The following MYH10 variants were observed in gnomAD, a reference collection of about 807,000 sequenced individuals.
MYH10 encodes myosin-10.
In MYH10, 55 loss-of-function variants were observed where a neutral mutation model predicts 257.8. The observed-to-expected ratio is 0.21, with a 90% CI of 0.17 to 0.27. The LOEUF is 0.27. Among genes scored for constraint, MYH10 ranks in the 10% least tolerant of loss-of-function variants. MYH10 has a pLI of 1.00. For synonymous variants in MYH10, 854 were observed against 921.7 expected, an observed-to-expected ratio of 0.93 and a Z score of 1.33; for missense variants, 1,631 against 2,500.6, an observed-to-expected ratio of 0.65 and a Z score of 7.42.
At chr17:8,558,652 C>T (rs2082887565) in intron 7 of MYH10, among the ~76,000 whole-genome samples, 1 of 152,190 alleles carries the variant, frequency 6.6e-6, no homozygotes, top group Admixed American at 6.5e-5. Flanking sequence ...ACTGTAGGCA[C>T]CCTTCTCTCT....
intron 17 of MYH10, among the ~76,000 whole-genome samples, chr17:8,528,859 A>G (rs980460283): frequency 1.2e-4 from 18 of 152,220 alleles, no homozygotes; most frequent in African/African-American, 3.9e-4. Context: ...ACACAATCTC[A>G]AAGAACATAT....
chr17:8,513,817 C>T lies in MYH10; in HGVS notation c.2582G>A (p.Arg861Gln). ...QRNCAAYLKLRHWQWWRVFTK... is the reference protein window; with the variant it reads ...QRNCAAYLKLQHWQWWRVFTK... ...GAAGACTCGCCACCACTGCCAGTGCCGTAATTTCAGGTACGCGGCACAGTT... is the reference window on the plus strand; with the variant it reads ...GAAGACTCGCCACCACTGCCAGTGCTGTAATTTCAGGTACGCGGCACAGTT... Residue 861 changes from arginine to glutamine, a missense_variant, in exon 22 of 43, where the codon CGG (arginine) becomes CAG (glutamine). Arg to Gln is a conservative substitution (Grantham distance 43, BLOSUM62 1). This residue lies in a region of MYH10 where 116 missense variants were observed against 221.6 expected (regional missense o/e 0.52). Coordinates refer to ENST00000360416, the MANE Select transcript of MYH10 (RefSeq NM_001256012.3). 1 of 1,614,150 alleles carries T rather than the reference C, an allele frequency of 6.2e-7. No individual in the cohort carries two copies. Among genetic ancestry groups the T allele is most frequent in the Non-Finnish European group, 8.5e-7 (1 of 1,180,026 alleles).
At chr17:8,610,307 G>T (rs1027599171) in intron 2 of MYH10, among the ~76,000 whole-genome samples, 2 of 112,946 alleles carry the variant, frequency 1.8e-5, no homozygotes, top group South Asian at 3.0e-4. Context: ...TGGGGGAAGC[G>T]GCCGGGCATG....
Position 8,576,670 on chromosome 17 carries a change from C to T in MYH10, c.636G>A (p.Gln212=), listed in dbSNP as rs953224962. ...GGTGTTTCACTGGTTTAGGCGATTC[C>T]TGCTGTTCATTACAAACAGACAAAT... ...HKGRKDHNIP[Q]ESPKPVKHQG... Residue 212 remains glutamine, a splice_region_variant and synonymous_variant, in exon 6 of 43, where the codon CAG becomes CAA. Transcript: ENST00000360416. 4 of 1,550,702 alleles carry T rather than the reference C, an allele frequency of 2.6e-6. No individual in the cohort carries two copies. The African/African-American group carries it at 4.1e-5, about 16-fold the overall frequency.
chr17:8,610,107 C>T (rs1056856367), intron 2 of MYH10, among the ~76,000 whole-genome samples: 41 of 151,564 alleles, frequency 2.7e-4, no homozygotes, highest in Non-Finnish European at 1.5e-4. Flanking sequence ...CATGCACAAA[C>T]CAGGCTGGCA....
chr17:8,476,478 C>G lies in MYH10; in HGVS notation c.5879+398G>C, dbSNP rs115260984. Among the ~76,000 whole-genome samples, 514 of 152,324 alleles carry G rather than the reference C, an allele frequency of 3.4e-3. 3 individuals are homozygous for G. The highest frequency in any genetic ancestry group is 0.012 in the African/African-American group (492 of 41,570). ...GTAGCTCTCTCACGCTCTGCCCTCT[C>G]ACTGGTACAGAGCAGATCCATTGTG... On this transcript the variant is annotated intron_variant, in intron 42 of 42. Coordinates refer to ENST00000360416, the MANE Select transcript of MYH10 (RefSeq NM_001256012.3).
chr17:8,487,374 G>A (rs879134635), intron 36 of MYH10, 59 bp downstream of exon 36: 81 of 1,601,932 alleles, frequency 5.1e-5, no homozygotes, highest in South Asian at 4.2e-4. Context: ...TGGACTCTGT[G>A]TAAAAGCCAC....
rs575524243 is a variant in MYH10, at chr17:8,504,714, C to T, written c.3579G>A (p.Thr1193=). Residue 1193 remains threonine (T), a synonymous_variant, in exon 28 of 43, where the codon ACG becomes ACA. Coordinates refer to ENST00000360416, the MANE Select transcript of MYH10 (RefSeq NM_001256012.3). The surrounding 1 kb of genome is among the most constrained non-coding windows in gnomAD (Gnocchi z 5.6). ...KTELEDTLDT[T]AAQQELRTKR... is the part of the protein sequence containing the mutation. ...CTCACCGTAGTTCCTGCTGGGCTGC[C>T]GTGGTGTCCAGCGTGTCCTCCAGCT... is the stretch of plus-strand genomic sequence containing the variant. 2.6e-5 allele frequency: 42 copies of T among 1,614,098 alleles called. No individual in the cohort carries two copies. In the East Asian group the frequency reaches 2.7e-4, roughly 10 times the overall value.
Position 8,622,977 on chromosome 17 carries a change from C to G in MYH10, c.270G>C (p.Met90Ile). 6.2e-7 allele frequency: 1 copy of G among 1,614,154 alleles called. No homozygotes were observed. Among genetic ancestry groups the G allele is most frequent in the Non-Finnish European group, 8.5e-7 (1 of 1,180,020 alleles). The change falls in exon 2 of 43, where the codon ATG becomes ATC. Residue 90 changes from methionine (M) to isoleucine (I), a missense_variant. Met to Ile is a conservative substitution (Grantham distance 10). Transcript: ENST00000360416. ...NPPKFSKVED[M>I]AELTCLNEAS... is the part of the protein sequence containing the mutation. ...CTTCATTCAAGCATGTCAATTCTGC[C>G]ATATCCTCCACCTTGGAAAACTTAG...
chr17:8,508,407 G>T, intron 26 of MYH10, 147 bp downstream of exon 26: 1 of 1,126,720 alleles, frequency 8.9e-7, no homozygotes, highest in Non-Finnish European at 1.3e-6. Context: ...CCAGCCAAGG[G>T]ACCTATTTTA....
rs1444479432 is a variant in MYH10, at chr17:8,553,942, T to C, written c.820+13A>G. 7 of 1,606,078 alleles carry C rather than the reference T, an allele frequency of 4.4e-6. No individual in the cohort carries two copies. Among genetic ancestry groups the C allele is most frequent in the East Asian group, 4.5e-5 (2 of 44,758 alleles). The stretch of plus-strand genomic sequence containing the variant: ...TTCTTTATTTTGGATTATACATTTA[T>C]GAAAAAGGATACATGTTTCAATGTT... On this transcript the variant is annotated intron_variant, in intron 8 of 42. Coordinates refer to ENST00000360416, the MANE Select transcript of MYH10 (RefSeq NM_001256012.3).
chr17:8,515,002 C>T (rs2081418832), intron 21 of MYH10, among the ~76,000 whole-genome samples: 1 of 152,196 alleles, frequency 6.6e-6, no homozygotes, highest in South Asian at 2.1e-4. Flanking sequence ...TCCACTCCGA[C>T]AGTCCACTCA....
At chr17:8,607,185 TCA>T (rs2084844402) in intron 2 of MYH10, among the ~76,000 whole-genome samples, 1 of 152,176 alleles carries the variant, frequency 6.6e-6, no homozygotes, top group Admixed American at 6.5e-5. Context: ...AAAAATGAGA[TCA>T]CAGTCTATAA....
At chr17:8,550,325 C>T (rs1047711706) in intron 9 of MYH10, among the ~76,000 whole-genome samples, 2 of 151,802 alleles carry the variant, frequency 1.3e-5, no homozygotes, top group African/African-American at 4.8e-5. Context: ...ATGTGGGGAG[C>T]GCCTCTGCCC....
Position 8,535,245 on chromosome 17 carries a change from T to C in MYH10, c.1894+142A>G. 1 of 575,194 alleles carries C rather than the reference T, an allele frequency of 1.7e-6. No homozygotes were observed. The highest frequency in any genetic ancestry group is 3.0e-6 in the Non-Finnish European group (1 of 338,484). The allele number at this position is 575,194 out of a possible 1,614,324, so 35.6% of individuals were successfully genotyped here. Reference sequence around the variant, plus strand: ...TTGTTAAAACGGATAAATTCCGATATAACGGCAGCCCTGCTCTAGGGAAAG... The same window carrying C: ...TTGTTAAAACGGATAAATTCCGATACAACGGCAGCCCTGCTCTAGGGAAAG... On this transcript the variant is annotated intron_variant, in intron 16 of 42. Transcript: ENST00000360416. The surrounding 1 kb of genome is among the most constrained non-coding windows in gnomAD (Gnocchi z 4.3).
At chr17:8,581,036 T>G (rs573978593) in intron 4 of MYH10, among the ~76,000 whole-genome samples, 1 of 151,802 alleles carries the variant, frequency 6.6e-6, no homozygotes, top group Admixed American at 6.6e-5. Flanking sequence ...GATGGAGAGG[T>G]ACATGCAAAG....
At chr17:8,518,849 T>C in intron 20 of MYH10, 32 bp downstream of exon 20, 1 of 1,603,488 alleles carries the variant, frequency 6.2e-7, no homozygotes, top group Non-Finnish European at 8.5e-7. Flanking sequence ...AGATTAAATC[T>C]ACAAGCCAGA....
chr17:8,521,547 G>A (rs1246148920), intron 17 of MYH10: 2 of 470,438 alleles, frequency 4.3e-6, no homozygotes, highest in African/African-American at 3.8e-5. Context: ...CTAGTTTCAG[G>A]AATTCACTGT....
Position 8,511,015 on chromosome 17 carries a change from C to CATATAT in MYH10, c.2953-1072_2953-1067dup, listed in dbSNP as rs56144668. The CATATAT allele has an allele frequency of 8.4e-4, 101 of 120,454 alleles. 2 individuals are homozygous for CATATAT. Among genetic ancestry groups the CATATAT allele is most frequent in the African/African-American group, 3.7e-3 (95 of 25,906 alleles). 7.5% of individuals were successfully genotyped at this position (120,454 alleles called of 1,614,324 possible). On this transcript the variant is annotated intron_variant, in intron 24 of 42. Transcript: ENST00000360416. ...CTGTATCAAAACATCTCATGTACCC[C>CATATAT]ATATATATATATATATATATATATA...
Sources: gnomAD v4.1 joint callset for allele counts (sites outside exome capture counted in the v4.1 genomes callset) on GRCh38, gnomAD v4.1.1 for gene constraint, gnomAD v4.1.1 regional missense constraint, Gnocchi (gnomAD v3.1) non-coding constraint, MANE v1.5 for transcripts, NCBI Gene and HGNC (gene_info 2026-07-23, HGNC 2026-07-21) for gene names.